Variants in PLCE1 observed in about 807,000 individuals in gnomAD.
PLCE1 encodes the protein phospholipase C epsilon 1, also known as 1-phosphatidylinositol 4,5-bisphosphate phosphodiesterase epsilon-1.
Under a neutral mutation model 242.8 loss-of-function variants are expected in PLCE1, and 119 were observed. That is an observed-to-expected ratio of 0.49 (90% CI 0.42 to 0.57). The LOEUF (loss-of-function observed/expected upper bound fraction) is 0.57, where lower values mean the gene tolerates loss of function less well. Ranked by LOEUF, PLCE1 falls within the 20% of genes least tolerant of loss-of-function variation. The pLI is 0.00. For synonymous variants in PLCE1, 945 were observed against 1,017.4 expected (o/e 0.93, Z 1.35); for missense variants, 2,441 against 2,788.8 (o/e 0.88, Z 2.81).
Position 94,313,179 on chromosome 10 carries a change from A to T in PLCE1, c.6004-75A>T, listed in dbSNP as rs1201954214. On this transcript the variant is annotated intron_variant, in intron 27 of 32. Coordinates refer to ENST00000371380, the MANE Select transcript of PLCE1 (RefSeq NM_016341.4). Reference sequence around the variant, plus strand: ...GTTCCTATCCGTACTTCTAAGTACTAGCACCTCTGTATCAAATAGAGCTTA... The same window carrying T: ...GTTCCTATCCGTACTTCTAAGTACTTGCACCTCTGTATCAAATAGAGCTTA... 7 of 1,560,712 alleles carry T rather than the reference A, an allele frequency of 4.5e-6. No homozygotes were observed. In the East Asian group the frequency reaches 1.6e-4, roughly 35 times the overall value.
At chr10:94,289,010 G>A (rs574647768) in intron 22 of PLCE1, among the ~76,000 whole-genome samples, 1 of 152,184 alleles carries the variant, frequency 6.6e-6, no homozygotes, top group Admixed American at 6.5e-5. Context: ...GGCTGTTCTG[G>A]GTTACTCAGA....
chr10:94,070,949 C>T (rs1225018142), intron 2 of PLCE1, among the ~76,000 whole-genome samples: 2 of 152,174 alleles, frequency 1.3e-5, no homozygotes, highest in Non-Finnish European at 1.5e-5. Context: ...TGATGGCGAC[C>T]TTGTACATGC....
intron 3 of PLCE1, among the ~76,000 whole-genome samples, chr10:94,140,377 CA>C (rs34755242): frequency 0.5 from 69,676 of 138,870 alleles, 17,009 homozygotes; most frequent in Non-Finnish European, 0.58. Context: ...ACTGAAAATA[CA>C]AAAAAAAAAA....
At chr10:94,283,745 A>C in intron 20 of PLCE1, 45 bp from the exon 21 acceptor site, 1 of 1,598,310 alleles carries the variant, frequency 6.3e-7, no homozygotes, top group East Asian at 2.3e-5. Flanking sequence ...CTCTTAAGTG[A>C]AGCATTGGGT....
At chr10:94,184,803 T>C (rs2048419684) in intron 4 of PLCE1, among the ~76,000 whole-genome samples, 1 of 152,202 alleles carries the variant, frequency 6.6e-6, no homozygotes, top group Non-Finnish European at 1.5e-5. Flanking sequence ...CTGCCTTCCC[T>C]TGGTCATGTC....
At chr10:94,266,254 A>T (rs1368763743) in intron 16 of PLCE1, among the ~76,000 whole-genome samples, 1 of 152,194 alleles carries the variant, frequency 6.6e-6, no homozygotes, top group Non-Finnish European at 1.5e-5. Flanking sequence ...ACCTACTCCC[A>T]CTAAAATTAG....
intron 2 of PLCE1, among the ~76,000 whole-genome samples, chr10:94,044,589 A>G (rs879723065): frequency 3.3e-5 from 5 of 152,224 alleles, no homozygotes; most frequent in Admixed American, 6.5e-5. Flanking sequence ...GTGTTGATGG[A>G]CAGTTCAGAG....
chr10:94,292,243 C>T (rs1401582085), intron 22 of PLCE1, among the ~76,000 whole-genome samples: 1 of 152,162 alleles, frequency 6.6e-6, no homozygotes, highest in Non-Finnish European at 1.5e-5. Context: ...CTACTATGGA[C>T]TGAGCACTTC....
intron 4 of PLCE1, among the ~76,000 whole-genome samples, chr10:94,179,512 G>GTTTTTTTTGTTTTTTTTTTT (rs2048229002): frequency 5.2e-5 from 1 of 19,398 alleles, no homozygotes; most frequent in Admixed American, 8.8e-4. Context: ...TTTTAGTTTA[G>GTTTTTTTTGTTTTTTTTTTT]TTTTTTTTTT....
chr10:94,007,699 C>CTTTTTTTTT (rs80098906), intron 1 of PLCE1, among the ~76,000 whole-genome samples: 1 of 64,128 alleles, frequency 1.6e-5, no homozygotes, highest in African/African-American at 6.0e-5. Context: ...AGCCTACTTT[C>CTTTTTTTTT]TTTTTTTTTT....
intron 2 of PLCE1, among the ~76,000 whole-genome samples, chr10:94,085,798 G>T (rs2044801069): frequency 6.6e-6 from 1 of 152,196 alleles, no homozygotes; most frequent in African/African-American, 2.4e-5. Context: ...CCTGTCACGA[G>T]CAGGCTGATC....
At chr10:94,170,595 G>A (rs1341487022) in intron 3 of PLCE1, among the ~76,000 whole-genome samples, 1 of 152,114 alleles carries the variant, frequency 6.6e-6, no homozygotes, top group Non-Finnish European at 1.5e-5. Context: ...GTTTGTAGAT[G>A]GTTCTGTTCT....
At chr10:93,994,404 C>A (rs989991578) in intron 1 of PLCE1, among the ~76,000 whole-genome samples, 146 bp downstream of exon 1, 1 of 152,206 alleles carries the variant, frequency 6.6e-6, no homozygotes, top group Non-Finnish European at 1.5e-5. Flanking sequence ...TCCCGGGGGA[C>A]CCGAGGCGGG....
chr10:94,321,640 A>C (rs141254995), intron 29 of PLCE1, among the ~76,000 whole-genome samples: 2,274 of 152,058 alleles, frequency 0.015, 26 homozygotes, highest in Non-Finnish European at 0.023. Flanking sequence ...AAAAAAAAAA[A>C]AAAAAACCCA....
intron 22 of PLCE1, among the ~76,000 whole-genome samples, chr10:94,289,625 AATG>A (rs2052579938): frequency 6.6e-6 from 1 of 152,200 alleles, no homozygotes; most frequent in South Asian, 2.1e-4. Flanking sequence ...AGTGTAACAC[AATG>A]ATAAGTATTT....
At position 94,167,747 on chromosome 10, in the gene PLCE1, G is replaced by GT. The variant is rs562760345; in HGVS notation, c.1493-3427dup. Among the ~76,000 whole-genome samples, 325 of 147,350 alleles carry GT rather than the reference G, an allele frequency of 2.2e-3. 1 individual carries two copies. The highest frequency in any genetic ancestry group is 7.7e-3 in the African/African-American group (305 of 39,812). On this transcript the variant is annotated intron_variant, in intron 3 of 32. Coordinates refer to ENST00000371380, the MANE Select transcript of PLCE1 (RefSeq NM_016341.4). Reference sequence around the variant, plus strand: ...TATGAGTGAGAACATGTGGTGTTTGGTTTTTTGTCCTTGCGATAGTTTGCT... The same window carrying GT: ...TATGAGTGAGAACATGTGGTGTTTGGTTTTTTTGTCCTTGCGATAGTTTGCT...
At chr10:94,119,125 C>G (rs7911889) in intron 2 of PLCE1, among the ~76,000 whole-genome samples, 11,620 of 152,208 alleles carry the variant, frequency 0.076, 1,448 homozygotes, top group African/African-American at 0.25. Context: ...TGAAGTATAT[C>G]GTCTCTCTCC....
intron 8 of PLCE1, among the ~76,000 whole-genome samples, chr10:94,251,557 G>T (rs963307734): frequency 6.6e-6 from 1 of 152,268 alleles, no homozygotes; most frequent in African/African-American, 2.4e-5. Flanking sequence ...GCAACTTTTT[G>T]TGGTTTTATT....
chr10:94,255,878 T>TCACACACA (rs1206355849), intron 11 of PLCE1, among the ~76,000 whole-genome samples: 123 of 66,728 alleles, frequency 1.8e-3, no homozygotes, highest in Middle Eastern at 8.1e-3. Flanking sequence ...TTACTTTATC[T>TCACACACA]CACACACACA....
Sources: gnomAD v4.1 joint callset for allele counts (sites outside exome capture counted in the v4.1 genomes callset) on GRCh38, gnomAD v4.1.1 for gene constraint, MANE v1.5 for transcripts, NCBI Gene and HGNC (gene_info 2026-07-23, HGNC 2026-07-21) for gene names.